FOXN3: variants seen among roughly 807,000 people sequenced by gnomAD.
The protein encoded by FOXN3 is forkhead box protein N3.
Under a neutral mutation model 38.4 loss-of-function variants are expected in FOXN3, and 7 were observed. The observed-to-expected ratio is 0.18, with a 90% CI of 0.10 to 0.34. The LOEUF is 0.34. Among genes scored for constraint, FOXN3 ranks in the 10% least tolerant of loss-of-function variants. The pLI, the probability that FOXN3 is intolerant of heterozygous loss-of-function variation, is 1.00. For synonymous variants in FOXN3, 230 were observed against 242.2 expected, an observed-to-expected ratio of 0.95 and a Z score of 0.47; for missense variants, 456 against 613.4, an observed-to-expected ratio of 0.74 and a Z score of 2.71.
chr14:89,334,611 C>CATAAAATAAAATAAAATAAA lies in FOXN3; in HGVS notation c.680+16041_680+16060dup, dbSNP rs142055992. Among the ~76,000 whole-genome samples, 243 of 147,692 alleles carry CATAAAATAAAATAAAATAAA rather than the reference C, an allele frequency of 1.6e-3. 6 individuals carry two copies. Among genetic ancestry groups the CATAAAATAAAATAAAATAAA allele is most frequent in the East Asian group, 0.01 (51 of 4,910 alleles). On this transcript the variant is annotated intron_variant, in intron 3 of 5. Transcript: ENST00000557258. ...GGTGAGAGAACAAGACTTCATCAAA[C>CATAAAATAAAATAAAATAAA]ATAAAATAAAATAAAATAAAATAAA...
intron 4 of FOXN3, among the ~76,000 whole-genome samples, chr14:89,199,553 T>C (rs1265607120): frequency 6.6e-6 from 1 of 151,948 alleles, no homozygotes; most frequent in African/African-American, 2.4e-5. Flanking sequence ...GATGATCTAA[T>C]TAAGTTGGTA....
intron 4 of FOXN3, among the ~76,000 whole-genome samples, chr14:89,211,685 C>A (rs961749805): frequency 2.0e-5 from 3 of 152,228 alleles, no homozygotes; most frequent in Admixed American, 1.3e-4. Context: ...AGGGGTAGCA[C>A]TGGCTTCAGA....
intron 2 of FOXN3, among the ~76,000 whole-genome samples, chr14:89,406,331 G>A (rs1270842009): frequency 2.0e-5 from 3 of 152,110 alleles, no homozygotes; most frequent in Non-Finnish European, 4.4e-5. Flanking sequence ...GAGTCAGGAG[G>A]ATCACTTGAG....
At chr14:89,239,903 C>T (rs1209902885) in intron 4 of FOXN3, among the ~76,000 whole-genome samples, 1 of 152,126 alleles carries the variant, frequency 6.6e-6, no homozygotes, top group African/African-American at 2.4e-5. Flanking sequence ...CCCATGAATT[C>T]TGGAGCCAAG....
chr14:89,221,495 G>A (rs1419858214), intron 4 of FOXN3, among the ~76,000 whole-genome samples: 1 of 152,122 alleles, frequency 6.6e-6, no homozygotes, highest in Non-Finnish European at 1.5e-5. Flanking sequence ...GATATATGAA[G>A]CAAAAGCCAG....
intron 3 of FOXN3, among the ~76,000 whole-genome samples, chr14:89,335,740 G>A (rs1888431898): frequency 6.6e-6 from 1 of 152,122 alleles, no homozygotes; most frequent in South Asian, 2.1e-4. Flanking sequence ...TCAGGACGGT[G>A]GTTAGAGAGA....
chr14:89,222,111 C>T (rs534574171), intron 4 of FOXN3, among the ~76,000 whole-genome samples: 3 of 152,236 alleles, frequency 2.0e-5, no homozygotes, highest in Admixed American at 6.5e-5. Context: ...CCACCGCGCC[C>T]GGCCTACACA....
intron 4 of FOXN3, among the ~76,000 whole-genome samples, chr14:89,224,712 T>C (rs1408301828): frequency 6.6e-6 from 1 of 152,088 alleles, no homozygotes; most frequent in Non-Finnish European, 1.5e-5. Context: ...GCTACAGAAA[T>C]TCAAAGAACA....
intron 2 of FOXN3, among the ~76,000 whole-genome samples, chr14:89,404,163 C>T (rs1891323233): frequency 6.6e-6 from 1 of 152,098 alleles, no homozygotes; most frequent in Non-Finnish European, 1.5e-5. Flanking sequence ...TGCCCCCACC[C>T]AAGACACCTA....
intron 4 of FOXN3, among the ~76,000 whole-genome samples, chr14:89,244,794 A>T (rs1278134229): frequency 6.6e-6 from 1 of 152,248 alleles, no homozygotes; most frequent in Admixed American, 6.5e-5. Flanking sequence ...GAGAGGCTAC[A>T]GCACGATGAT....
intron 4 of FOXN3, among the ~76,000 whole-genome samples, chr14:89,221,826 C>CTT (rs760636778): frequency 0.022 from 3,238 of 144,716 alleles, 114 homozygotes; most frequent in African/African-American, 0.077. Flanking sequence ...TCTATATAAT[C>CTT]TTTTTTTTTT....
chr14:89,408,412 C>T (rs907506829), intron 2 of FOXN3, among the ~76,000 whole-genome samples: 13 of 151,992 alleles, frequency 8.6e-5, no homozygotes, highest in Non-Finnish European at 1.5e-4. Context: ...AGTATGCCAT[C>T]ATGCTCAGCC....
chr14:89,402,910 G>T (rs554446481), intron 2 of FOXN3, among the ~76,000 whole-genome samples: 21 of 152,268 alleles, frequency 1.4e-4, no homozygotes, highest in Middle Eastern at 3.4e-3. Flanking sequence ...ATCCATCCTT[G>T]GAGGTCTAAT....
At chr14:89,315,951 C>A (rs1029176942) in intron 3 of FOXN3, among the ~76,000 whole-genome samples, 8 of 152,152 alleles carry the variant, frequency 5.3e-5, no homozygotes, top group Non-Finnish European at 1.2e-4. Flanking sequence ...AAGAATGATG[C>A]TGCTTTCCCT....
In FOXN3 at chr14:89,467,634, T is replaced by A. The variant is rs190778700; in HGVS notation, c.-14-55144A>T. Among the ~76,000 whole-genome samples the A allele has an allele frequency of 2.2e-3, 329 of 150,212 alleles. 5 individuals are homozygous for A. In the East Asian group the frequency reaches 0.043, roughly 20 times the overall value. ...TGTTCCCTCTTGCTTTTTTTTTTTTTAAACATATGGGGTCTCACTGTGTTG... is the reference window on the plus strand; with the variant it reads ...TGTTCCCTCTTGCTTTTTTTTTTTTAAAACATATGGGGTCTCACTGTGTTG... On this transcript the variant is annotated intron_variant, in intron 1 of 6. Transcript: ENST00000345097.
intron 3 of FOXN3, among the ~76,000 whole-genome samples, chr14:89,338,031 G>T (rs1365961233): frequency 1.3e-5 from 2 of 152,118 alleles, no homozygotes; most frequent in Non-Finnish European, 2.9e-5. Flanking sequence ...TCTATCCCTG[G>T]GCAGCCTGTC....
At chr14:89,453,703 A>G (rs1892666106) in intron 1 of FOXN3, among the ~76,000 whole-genome samples, 1 of 152,212 alleles carries the variant, frequency 6.6e-6, no homozygotes, top group African/African-American at 2.4e-5. Flanking sequence ...AATGCAATGT[A>G]GTGAGGAAGT....
At chr14:89,506,856 T>C (rs1296834084) in intron 1 of FOXN3, among the ~76,000 whole-genome samples, 2 of 152,208 alleles carry the variant, frequency 1.3e-5, no homozygotes, top group Admixed American at 6.5e-5. Flanking sequence ...AAACATGTGC[T>C]GTGTCCACTC....
In FOXN3 at chr14:89,325,314, GACCACCACCACC is replaced by G. The variant is rs774094314; in HGVS notation, c.680+25346_680+25357del. On this transcript the variant is annotated intron_variant, in intron 3 of 5. Coordinates refer to ENST00000557258, the MANE Select transcript of FOXN3 (RefSeq NM_005197.4). Reference sequence around the variant, plus strand: ...CCACCAACACCAACACCACCACCACGACCACCACCACCACCACCACCACCACCACCACCACCA... The same window carrying G: ...CCACCAACACCAACACCACCACCACGACCACCACCACCACCACCACCACCA... Among the ~76,000 whole-genome samples, 343 of 101,796 alleles carry G rather than the reference GACCACCACCACC, an allele frequency of 3.4e-3. 3 individuals carry two copies. The highest frequency in any genetic ancestry group is 8.4e-3 in the African/African-American group (217 of 25,746). 66.8% of individuals were successfully genotyped at this position (101,796 alleles called of 152,430 possible).
Sources: allele counts gnomAD v4.1 joint callset (sites outside exome capture counted in the v4.1 genomes callset), GRCh38; gene constraint gnomAD v4.1.1; transcripts MANE v1.5; gene names NCBI Gene and HGNC (gene_info 2026-07-23, HGNC 2026-07-21).